The following CHST9 variants were observed in gnomAD, a reference collection of about 807,000 sequenced individuals.
CHST9 encodes GalNAc-4-sulfotransferase 2.
Under a neutral mutation model 44.4 loss-of-function variants are expected in CHST9, and 41 were observed. That is an observed-to-expected ratio of 0.92 (90% CI 0.72 to 1.20). CHST9 has a LOEUF of 1.20. CHST9 is among the 50% of genes most tolerant of loss of function. The pLI is 0.00. For missense variants in CHST9, 504 were observed against 516.5 expected (o/e 0.98, Z 0.23); for synonymous variants, 171 against 178.4 (o/e 0.96, Z 0.33).
intron 4 of CHST9, among the ~76,000 whole-genome samples, chr18:27,002,228 ATT>A (rs111476399): frequency 6.8e-6 from 1 of 146,412 alleles, no homozygotes; most frequent in Admixed American, 6.8e-5. Flanking sequence ...ACCATCCTTA[ATT>A]TTTTTTTTTT....
At chr18:27,031,185 G>A (rs868868677) in intron 3 of CHST9, among the ~76,000 whole-genome samples, 5 of 151,818 alleles carry the variant, frequency 3.3e-5, no homozygotes, top group South Asian at 4.2e-4. Context: ...TGCAATCTTC[G>A]CTTTGACCTC....
At chr18:27,169,279 A>T (rs1006201554) in intron 1 of CHST9, among the ~76,000 whole-genome samples, 1 of 152,200 alleles carries the variant, frequency 6.6e-6, no homozygotes, top group East Asian at 1.9e-4. Flanking sequence ...TCTAGGCTGA[A>T]TACATAAATT....
At chr18:26,962,618 T>G (rs1296230288) in intron 4 of CHST9, among the ~76,000 whole-genome samples, 1 of 152,158 alleles carries the variant, frequency 6.6e-6, no homozygotes, top group Admixed American at 6.5e-5. Context: ...ATAATCTTTT[T>G]TTAACTTATC....
intron 4 of CHST9, among the ~76,000 whole-genome samples, chr18:26,954,128 C>T (rs777728527): frequency 6.6e-5 from 10 of 152,034 alleles, no homozygotes; most frequent in Non-Finnish European, 1.5e-4. Flanking sequence ...GGAAAGAGGG[C>T]CAATATGGTG....
chr18:26,939,680 T>C (rs1181399367), intron 5 of CHST9, among the ~76,000 whole-genome samples: 1 of 152,158 alleles, frequency 6.6e-6, no homozygotes, highest in Non-Finnish European at 1.5e-5. Flanking sequence ...GAAGCCCTGC[T>C]GTCCCTCAAG....
chr18:27,082,778 C>A (rs1401917148), intron 2 of CHST9, among the ~76,000 whole-genome samples: 1 of 152,072 alleles, frequency 6.6e-6, no homozygotes, highest in Non-Finnish European at 1.5e-5. Flanking sequence ...AAGAGGAACC[C>A]ACTAAGCCTT....
intron 2 of CHST9, among the ~76,000 whole-genome samples, chr18:27,060,568 T>C (rs1008423988): frequency 3.3e-5 from 5 of 152,152 alleles, no homozygotes; most frequent in Admixed American, 1.3e-4. Flanking sequence ...AGCTAAGATT[T>C]GCACAAGACT....
intron 4 of CHST9, among the ~76,000 whole-genome samples, chr18:26,975,990 G>C (rs768568852): frequency 6.6e-6 from 1 of 151,600 alleles, no homozygotes; most frequent in Non-Finnish European, 1.5e-5. Flanking sequence ...GGAGAACAAG[G>C]AGGACCCAGT....
intron 1 of CHST9, among the ~76,000 whole-genome samples, chr18:27,171,377 T>A (rs941078769): frequency 4.6e-5 from 7 of 152,144 alleles, no homozygotes; most frequent in Non-Finnish European, 1.0e-4. Context: ...GATCATGAAA[T>A]CTATTTATTC....
chr18:27,162,099 C>T (rs144082580), intron 1 of CHST9, among the ~76,000 whole-genome samples: 162 of 152,246 alleles, frequency 1.1e-3, no homozygotes, highest in African/African-American at 3.9e-3. Context: ...GAGCATTTAG[C>T]CCATTTACAT....
chr18:26,927,321 G>A (rs1185905646), intron 5 of CHST9, among the ~76,000 whole-genome samples: 3 of 152,056 alleles, frequency 2.0e-5, no homozygotes, highest in Non-Finnish European at 4.4e-5. Context: ...GTTTCTCGTC[G>A]GGGGGCGGGG....
chr18:27,051,568 C>T (rs1016600508), intron 2 of CHST9, among the ~76,000 whole-genome samples: 30 of 152,116 alleles, frequency 2.0e-4, no homozygotes, highest in Non-Finnish European at 1.5e-5. Context: ...TGTCAACTGC[C>T]AATGAGGAAC....
chr18:26,944,304 G>T, intron 5 of CHST9, 25 bp downstream of exon 5: 1 of 1,573,906 alleles, frequency 6.4e-7, no homozygotes, highest in Non-Finnish European at 8.7e-7. Context: ...TTCTATATTA[G>T]AGTTTACGAG....
intron 4 of CHST9, among the ~76,000 whole-genome samples, chr18:26,956,825 T>A (rs444673): frequency 0.35 from 53,170 of 152,070 alleles, 9,894 homozygotes; most frequent in East Asian, 0.49. Context: ...ATGTTTGAAA[T>A]CTCTGGTTGG....
chr18:26,980,448 G>A (rs572993716), intron 4 of CHST9, among the ~76,000 whole-genome samples: 2 of 152,210 alleles, frequency 1.3e-5, no homozygotes, highest in African/African-American at 4.8e-5. Context: ...GAGAGATGAG[G>A]AGACTACCGA....
intron 2 of CHST9, among the ~76,000 whole-genome samples, chr18:27,049,989 G>A (rs893272916): frequency 3.9e-5 from 6 of 152,126 alleles, no homozygotes; most frequent in African/African-American, 9.7e-5. Flanking sequence ...TGCAGGCTCC[G>A]GTACCACAAA....
intron 2 of CHST9, among the ~76,000 whole-genome samples, chr18:27,113,543 G>A (rs577606257): frequency 6.6e-6 from 1 of 152,264 alleles, no homozygotes; most frequent in Admixed American, 6.5e-5. Context: ...GAGGTAATTA[G>A]GTCAGGAGGG....
chr18:26,937,964 A>G (rs1299187712), intron 5 of CHST9, among the ~76,000 whole-genome samples: 2 of 152,208 alleles, frequency 1.3e-5, no homozygotes, highest in African/African-American at 2.4e-5. Flanking sequence ...AACATGAGAT[A>G]TGGAGCACTG....
At chr18:27,108,262 G>A (rs924301585) in intron 2 of CHST9, among the ~76,000 whole-genome samples, 4 of 152,088 alleles carry the variant, frequency 2.6e-5, no homozygotes, top group African/African-American at 4.8e-5. Context: ...CTGCTGAGGT[G>A]TTGTGTTGTG....
Sources: allele counts gnomAD v4.1 joint callset (sites outside exome capture counted in the v4.1 genomes callset), GRCh38; gene constraint gnomAD v4.1.1; transcripts MANE v1.5; gene names NCBI Gene and HGNC (gene_info 2026-07-23, HGNC 2026-07-21).